VPS50: variants seen among roughly 807,000 people sequenced by gnomAD.
VPS50 encodes the protein syndetin.
VPS50 carries 70 observed loss-of-function variants against 139.7 expected under a neutral mutation model. That is an observed-to-expected ratio of 0.50 (90% CI 0.41 to 0.61). The LOEUF (loss-of-function observed/expected upper bound fraction) is 0.61. VPS50 is among the 20% of genes least tolerant of loss of function. The pLI, the probability that VPS50 is intolerant of heterozygous loss-of-function variation, is 0.00. For missense variants in VPS50, 921 were observed against 1,133.7 expected (o/e 0.81, Z 2.69); for synonymous variants, 365 against 376.7 (o/e 0.97, Z 0.36).
intron 21 of VPS50, among the ~76,000 whole-genome samples, chr7:93,328,256 C>G (rs544864334): frequency 2.0e-5 from 3 of 152,258 alleles, no homozygotes; most frequent in African/African-American, 7.2e-5. Context: ...CATTCTGTAA[C>G]TTACTTAAAA....
chr7:93,339,126 TCTC>T (rs901642655), intron 22 of VPS50, among the ~76,000 whole-genome samples: 9 of 151,972 alleles, frequency 5.9e-5, no homozygotes, highest in African/African-American at 1.2e-4. Context: ...GAATTTTTAT[TCTC>T]CTTTTTTTTT....
chr7:93,240,210 T>A (rs1201643679), intron 2 of VPS50, among the ~76,000 whole-genome samples: 1 of 143,876 alleles, frequency 7.0e-6, no homozygotes, highest in Non-Finnish European at 1.5e-5. Flanking sequence ...GTTGTATATA[T>A]GTGTATGCAC....
intron 26 of VPS50, among the ~76,000 whole-genome samples, chr7:93,354,784 G>A (rs530504438): frequency 6.6e-6 from 1 of 152,112 alleles, no homozygotes; most frequent in African/African-American, 2.4e-5. Flanking sequence ...ATACAAATAA[G>A]GATCAGTAAT....
At chr7:93,296,912 A>G (rs1418441757) in intron 15 of VPS50, 76 bp downstream of exon 15, 9 of 1,482,606 alleles carry the variant, frequency 6.1e-6, no homozygotes, top group Middle Eastern at 4.9e-4. Flanking sequence ...GTGAGTTATC[A>G]TCTATAACTT....
At chr7:93,240,953 A>G (rs1197682875) in intron 2 of VPS50, among the ~76,000 whole-genome samples, 2 of 152,170 alleles carry the variant, frequency 1.3e-5, no homozygotes, top group African/African-American at 4.8e-5. Flanking sequence ...AAAACTTAAG[A>G]AAAGCATTCC....
At chr7:93,264,554 G>A (rs1795781993) in intron 9 of VPS50, among the ~76,000 whole-genome samples, 1 of 152,108 alleles carries the variant, frequency 6.6e-6, no homozygotes, top group South Asian at 2.1e-4. Flanking sequence ...AGTTTCTTGA[G>A]TACTGTACTT....
intron 9 of VPS50, among the ~76,000 whole-genome samples, chr7:93,267,791 G>A (rs1483270639): frequency 6.6e-6 from 1 of 152,180 alleles, no homozygotes; most frequent in Non-Finnish European, 1.5e-5. Flanking sequence ...CAAGAACTGA[G>A]GGTGTGAAAG....
At chr7:93,261,287 T>A (rs927914473) in intron 9 of VPS50, among the ~76,000 whole-genome samples, 5 of 152,214 alleles carry the variant, frequency 3.3e-5, no homozygotes, top group Non-Finnish European at 7.3e-5. Flanking sequence ...ATTGTCAGTA[T>A]GGTGATAAAC....
intron 26 of VPS50, among the ~76,000 whole-genome samples, chr7:93,355,037 G>A (rs767629032): frequency 8.6e-5 from 13 of 150,374 alleles, no homozygotes; most frequent in African/African-American, 2.7e-4. Context: ...CAGCAATCAC[G>A]AATGAAGAGT....
rs146571220 is a variant in VPS50, at chr7:93,358,484, T to C, written c.*48T>C. 9.0e-6 allele frequency: 14 copies of C among 1,554,776 alleles called. No individual in the cohort carries two copies. In the African/African-American group the frequency reaches 1.2e-4, roughly 14 times the overall value. The stretch of plus-strand genomic sequence containing the variant: ...ATGGCATTGATCCTCACTCAACATA[T>C]ATGACCTGAAAGCCAGTTTTTTTAT... On this transcript the variant is annotated 3_prime_UTR_variant, in exon 28 of 28. Coordinates refer to ENST00000305866, the MANE Select transcript of VPS50 (RefSeq NM_017667.4).
chr7:93,257,658 G>T, intron 6 of VPS50, 194 bp downstream of exon 6: 1 of 403,000 alleles, frequency 2.5e-6, no homozygotes. Context: ...TGTACTTATG[G>T]GTTTTAAAAA....
intron 12 of VPS50, chr7:93,276,519 T>C (rs1584417231): frequency 4.6e-6 from 3 of 653,480 alleles, no homozygotes; most frequent in African/African-American, 3.7e-5. Flanking sequence ...TGGAGCATGA[T>C]TGCTTCTCAA....
chr7:93,277,594 T>A lies in VPS50; in HGVS notation c.942+1289T>A, dbSNP rs972875922. 4.6e-5 allele frequency among the ~76,000 whole-genome samples: 7 copies of A among 152,258 alleles called. No individual in the cohort carries two copies. The East Asian group carries it at 1.3e-3, about 29-fold the overall frequency. On this transcript the variant is annotated intron_variant, in intron 12 of 27. Coordinates refer to ENST00000305866, the MANE Select transcript of VPS50 (RefSeq NM_017667.4). ...AGCTACAATAAGTATCCTGGAAGGG[T>A]GTGATTATATATGATGTATTAAAGA...
intron 1 of VPS50, among the ~76,000 whole-genome samples, chr7:93,236,839 A>G (rs559883305): frequency 6.6e-6 from 1 of 151,644 alleles, no homozygotes; most frequent in African/African-American, 2.4e-5. Flanking sequence ...CATTTCTGTC[A>G]TAATAAAAAT....
At chr7:93,322,034 T>C (rs1051327980) in intron 20 of VPS50, among the ~76,000 whole-genome samples, 2 of 152,184 alleles carry the variant, frequency 1.3e-5, no homozygotes, top group African/African-American at 4.8e-5. Flanking sequence ...AAAAAGTCTG[T>C]GTGAAATAAT....
At chr7:93,260,824 T>C (rs1166927871) in intron 9 of VPS50, among the ~76,000 whole-genome samples, 1 of 152,170 alleles carries the variant, frequency 6.6e-6, no homozygotes. Context: ...TTCTCCAGAA[T>C]AGCTGGGATT....
chr7:93,245,838 T>C (rs1370010396), intron 2 of VPS50, among the ~76,000 whole-genome samples: 2 of 151,820 alleles, frequency 1.3e-5, no homozygotes, highest in African/African-American at 2.4e-5. Flanking sequence ...CTAGTGGGAT[T>C]TTAGGAGAAC....
chr7:93,354,694 T>C (rs1478762830), intron 26 of VPS50, among the ~76,000 whole-genome samples: 1 of 152,162 alleles, frequency 6.6e-6, no homozygotes, highest in African/African-American at 2.4e-5. Context: ...AAATCTTTCA[T>C]GTGTTGAAGT....
intron 12 of VPS50, among the ~76,000 whole-genome samples, chr7:93,281,405 A>T (rs1482061444): frequency 6.6e-6 from 1 of 152,258 alleles, no homozygotes; most frequent in Non-Finnish European, 1.5e-5. Context: ...TCTGTTCCTA[A>T]ATCCTCAGGA....
Sources: gnomAD v4.1 joint callset for allele counts (sites outside exome capture counted in the v4.1 genomes callset) on GRCh38, gnomAD v4.1.1 for gene constraint, MANE v1.5 for transcripts, NCBI Gene and HGNC (gene_info 2026-07-23, HGNC 2026-07-21) for gene names.